Variants in UBE2K observed in about 807,000 individuals in gnomAD.
UBE2K encodes ubiquitin-conjugating enzyme E2 K.
Under a neutral mutation model 30.0 loss-of-function variants are expected in UBE2K, and 6 were observed. The ratio of observed to expected loss-of-function variants is 0.20; its 90% CI spans 0.11 to 0.39. The LOEUF is 0.39. Ranked by LOEUF, UBE2K falls within the 10% of genes least tolerant of loss-of-function variation. The probability of loss-of-function intolerance (pLI) is 1.00; values close to 1 mark genes in which losing one functional copy is unlikely to be tolerated. For missense variants in UBE2K, 61 were observed against 241.6 expected, an observed-to-expected ratio of 0.25 and a Z score of 4.96; for synonymous variants, 86 against 83.7, an observed-to-expected ratio of 1.03 and a Z score of -0.15.
chr4:39,763,200 C>T (rs1712083677), intron 4 of UBE2K, among the ~76,000 whole-genome samples: 1 of 151,990 alleles, frequency 6.6e-6, no homozygotes, highest in Non-Finnish European at 1.5e-5. Context: ...GCCTTGGCCT[C>T]CCAAATTGCT....
intron 4 of UBE2K, among the ~76,000 whole-genome samples, chr4:39,762,422 A>G (rs1712016624): frequency 6.6e-6 from 1 of 152,076 alleles, no homozygotes; most frequent in African/African-American, 2.4e-5. Context: ...CCATAAAGGA[A>G]TACCTGAAAC....
chr4:39,765,908 TATACATACATAC>T lies in UBE2K; in HGVS notation c.300-8904_300-8893del, dbSNP rs146565301. On this transcript the variant is annotated intron_variant, in intron 4 of 6. Transcript: ENST00000261427. ...GGATCACCTGAAGTCAGGATATATA[TATACATACATAC>T]ATACATACATACATACATACACACA... Among the ~76,000 whole-genome samples, 79 of 149,748 alleles carry T rather than the reference TATACATACATAC, an allele frequency of 5.3e-4. No homozygotes were observed. The East Asian group carries it at 8.2e-3, about 15-fold the overall frequency.
rs1553879305 is a variant in UBE2K, at chr4:39,760,176, C to CACA, written c.299+4438_299+4439insCAA. On this transcript the variant is annotated intron_variant, in intron 4 of 6. Transcript: ENST00000261427. ...TGGGTGACAGAGCGAGACTCTGTCA[C>CACA]AAAAAAAAAAAAAAAACAGAAAAAA... Among the ~76,000 whole-genome samples the CACA allele has an allele frequency of 5.4e-4, 42 of 77,184 alleles. 1 individual carries two copies. The highest frequency in any genetic ancestry group is 2.2e-4 in the Non-Finnish European group (10 of 44,898). The allele number at this position is 77,184 out of a possible 152,430, so 50.6% of individuals were successfully genotyped here.
intron 1 of UBE2K, among the ~76,000 whole-genome samples, chr4:39,698,634 CA>C (rs1260892624): frequency 1.3e-5 from 2 of 151,954 alleles, no homozygotes; most frequent in Non-Finnish European, 2.9e-5. Context: ...AGGTGATGGA[CA>C]GGGGGCAACT....
intron 3 of UBE2K, among the ~76,000 whole-genome samples, chr4:39,753,767 G>A (rs1486783824): frequency 6.6e-6 from 1 of 152,204 alleles, no homozygotes; most frequent in Non-Finnish European, 1.5e-5. Flanking sequence ...GAGCAGGAGA[G>A]TGGAGTGTGG....
chr4:39,716,765 A>G (rs1719088200), intron 1 of UBE2K, among the ~76,000 whole-genome samples: 1 of 152,150 alleles, frequency 6.6e-6, no homozygotes, highest in African/African-American at 2.4e-5. Context: ...TAGGAGGCCA[A>G]GGCGGGTGGA....
chr4:39,743,715 A>G (rs575673134), intron 2 of UBE2K, among the ~76,000 whole-genome samples: 4 of 152,146 alleles, frequency 2.6e-5, no homozygotes, highest in African/African-American at 9.7e-5. Flanking sequence ...ACAAAATCTC[A>G]TAGTCTTATA....
At chr4:39,735,665 G>C (rs1315048632) in intron 1 of UBE2K, among the ~76,000 whole-genome samples, 2 of 152,198 alleles carry the variant, frequency 1.3e-5, no homozygotes, top group Non-Finnish European at 1.5e-5. Context: ...ACAGGCATGA[G>C]CCACCGCGCC....
chr4:39,699,136 A>G (rs1204802752), intron 1 of UBE2K, among the ~76,000 whole-genome samples: 2 of 152,216 alleles, frequency 1.3e-5, no homozygotes, highest in African/African-American at 4.8e-5. Context: ...TGTTTGGTGT[A>G]TTAAAGACAT....
intron 4 of UBE2K, among the ~76,000 whole-genome samples, chr4:39,772,198 T>C (rs562700903): frequency 6.6e-6 from 1 of 152,098 alleles, no homozygotes; most frequent in Admixed American, 6.5e-5. Context: ...CTTGGGAAAA[T>C]TGAGAAAACA....
At chr4:39,775,229 C>T (rs1240380605) in intron 5 of UBE2K, among the ~76,000 whole-genome samples, 2 of 152,180 alleles carry the variant, frequency 1.3e-5, no homozygotes, top group African/African-American at 4.8e-5. Context: ...GATTAATGCT[C>T]GTGTATGTGT....
intron 4 of UBE2K, among the ~76,000 whole-genome samples, chr4:39,772,698 T>A (rs895379251): frequency 6.6e-6 from 1 of 151,952 alleles, no homozygotes; most frequent in African/African-American, 2.4e-5. Context: ...CAACTTTTTT[T>A]TTTTTTTGAG....
intron 4 of UBE2K, among the ~76,000 whole-genome samples, chr4:39,769,898 A>T (rs1712650652): frequency 1.3e-5 from 2 of 152,012 alleles, no homozygotes; most frequent in Non-Finnish European, 2.9e-5. Flanking sequence ...TTGCACTCTC[A>T]AGAGCAACAA....
Position 39,699,040 on chromosome 4 carries a change from A to T in UBE2K, c.63+650A>T, listed in dbSNP as rs191675800. ...AGTTAGCAAGTTAATTCCAAATAAG[A>T]TAATTATCTCTTTTCCACTTAACCC... On this transcript the variant is annotated intron_variant, in intron 1 of 6. Transcript: ENST00000261427. Among the ~76,000 whole-genome samples the T allele has an allele frequency of 9.8e-5, 15 of 152,302 alleles. No individual in the cohort carries two copies. The East Asian group carries it at 1.5e-3, about 16-fold the overall frequency.
chr4:39,738,867 G>C (rs191224171), intron 2 of UBE2K, among the ~76,000 whole-genome samples: 1 of 152,040 alleles, frequency 6.6e-6, no homozygotes, highest in Admixed American at 6.6e-5. Flanking sequence ...TAGAGACAGG[G>C]TTTCACAATA....
chr4:39,713,917 TC>T (rs1343557975), intron 1 of UBE2K: 1 of 152,012 alleles, frequency 6.6e-6, no homozygotes, highest in Non-Finnish European at 1.5e-5. Context: ...AGAGTCTTGC[TC>T]TATTATTGCT....
intron 1 of UBE2K, among the ~76,000 whole-genome samples, chr4:39,713,541 T>G: frequency 2.1e-5 from 1 of 48,512 alleles, no homozygotes; most frequent in South Asian, 7.2e-4. Context: ...TGGCTTATCT[T>G]TTTATGCTTT....
At chr4:39,711,863 C>T (rs1275642089) in intron 1 of UBE2K, among the ~76,000 whole-genome samples, 1 of 151,600 alleles carries the variant, frequency 6.6e-6, no homozygotes, top group Non-Finnish European at 1.5e-5. Flanking sequence ...CATGGAGAAA[C>T]CTCGTCTCTC....
At chr4:39,771,283 G>C in intron 4 of UBE2K, 1 of 1,611,652 alleles carries the variant, frequency 6.2e-7, no homozygotes, top group Non-Finnish European at 8.5e-7. Flanking sequence ...TGAGCAGGCG[G>C]CTAAGATGAC....
Sources: allele counts gnomAD v4.1 joint callset (sites outside exome capture counted in the v4.1 genomes callset), GRCh38; gene constraint gnomAD v4.1.1; transcripts MANE v1.5; gene names NCBI Gene and HGNC (gene_info 2026-07-23, HGNC 2026-07-21).